Variants in KLHL1 observed in about 807,000 individuals in gnomAD.
KLHL1 encodes kelch-like protein 1.
In KLHL1, 47 loss-of-function variants were observed where a neutral mutation model predicts 77.7. The observed-to-expected ratio is 0.60, with a 90% CI of 0.48 to 0.77. KLHL1 has a LOEUF of 0.77. KLHL1 is among the 30% of genes least tolerant of loss of function. The pLI, the probability that KLHL1 is intolerant of heterozygous loss-of-function variation, is 0.00. For synonymous variants in KLHL1, 360 were observed against 325.2 expected (o/e 1.11, Z -1.15); for missense variants, 925 against 910.8 (o/e 1.02, Z -0.20).
chr13:69,936,182 G>A (rs1393515943), intron 4 of KLHL1, among the ~76,000 whole-genome samples: 1 of 152,164 alleles, frequency 6.6e-6, no homozygotes, highest in African/African-American at 2.4e-5. Flanking sequence ...AGTTAAGTAA[G>A]AGTGAAGGAA....
intron 6 of KLHL1, among the ~76,000 whole-genome samples, chr13:69,807,520 A>G (rs972978648): frequency 6.6e-6 from 1 of 152,052 alleles, no homozygotes; most frequent in Non-Finnish European, 1.5e-5. Flanking sequence ...TGTTAGACTG[A>G]GACATGAGCA....
At chr13:69,962,050 A>T (rs979629605) in intron 2 of KLHL1, among the ~76,000 whole-genome samples, 2 of 151,704 alleles carry the variant, frequency 1.3e-5, no homozygotes, top group African/African-American at 4.9e-5. Context: ...TTAATTTTTT[A>T]TTTTATTTGG....
intron 7 of KLHL1, among the ~76,000 whole-genome samples, chr13:69,782,022 A>AT (rs1428063933): frequency 6.6e-6 from 1 of 152,110 alleles, no homozygotes; most frequent in Non-Finnish European, 1.5e-5. Flanking sequence ...ATTTCTTACA[A>AT]TTTTCTTTTC....
intron 7 of KLHL1, among the ~76,000 whole-genome samples, chr13:69,788,632 G>T (rs905223319): frequency 2.0e-5 from 3 of 151,758 alleles, no homozygotes; most frequent in African/African-American, 7.3e-5. Context: ...TGCACATTGT[G>T]TACATGTACC....
chr13:70,101,950 C>CAA (rs553460889), intron 1 of KLHL1, among the ~76,000 whole-genome samples: 26,786 of 128,618 alleles, frequency 0.21, 2,760 homozygotes, highest in East Asian at 0.43. Context: ...GATAAAGTAG[C>CAA]AAAAAAAAAA....
intron 5 of KLHL1, among the ~76,000 whole-genome samples, chr13:69,848,156 T>C (rs1879543768): frequency 6.6e-6 from 1 of 151,504 alleles, no homozygotes; most frequent in African/African-American, 2.4e-5. Flanking sequence ...GCCTCATACC[T>C]AGAGAGCTTT....
intron 1 of KLHL1, among the ~76,000 whole-genome samples, chr13:70,048,933 T>C (rs1230517683): frequency 6.6e-6 from 1 of 152,194 alleles, no homozygotes; most frequent in African/African-American, 2.4e-5. Context: ...AATATTAGGC[T>C]TGAAAAATCA....
At chr13:69,712,762 T>C (rs1258359954) in intron 9 of KLHL1, among the ~76,000 whole-genome samples, 1 of 11,110 alleles carries the variant, frequency 9.0e-5, no homozygotes, top group Non-Finnish European at 6.5e-4. Flanking sequence ...TGTTTTTTGT[T>C]TTTTTTTTTT....
chr13:69,811,177 C>T (rs188864931), intron 6 of KLHL1, among the ~76,000 whole-genome samples: 76 of 151,860 alleles, frequency 5.0e-4, no homozygotes, highest in Non-Finnish European at 9.0e-4. Flanking sequence ...GTAACAACAA[C>T]GAAACTACAG....
rs1465153400 is a variant in KLHL1, at chr13:69,802,442, C to T, written c.1415-5480G>A. On this transcript the variant is annotated intron_variant, in intron 6 of 10. Transcript: ENST00000377844. The stretch of plus-strand genomic sequence containing the variant: ...TGGGGGATAAGGGAGGAGACCATCC[C>T]TCATATTGTCTTATGCCCAATTTCT... Among the ~76,000 whole-genome samples, 9 of 152,088 alleles carry T rather than the reference C, an allele frequency of 5.9e-5. No homozygotes were observed. In the East Asian group the frequency reaches 1.6e-3, roughly 26 times the overall value.
At chr13:69,861,785 T>TAAA (rs34408474) in intron 5 of KLHL1, among the ~76,000 whole-genome samples, 4,467 of 85,862 alleles carry the variant, frequency 0.052, 164 homozygotes, top group Non-Finnish European at 0.063. Context: ...CCGTCTCTAC[T>TAAA]AAAAAAAAAA....
chr13:70,066,182 TAC>T (rs1887000906), intron 1 of KLHL1, among the ~76,000 whole-genome samples: 1 of 152,208 alleles, frequency 6.6e-6, no homozygotes, highest in African/African-American at 2.4e-5. Flanking sequence ...ACTGTGAATT[TAC>T]ACTCATGCTT....
At chr13:70,081,215 G>A (rs1887382789) in intron 1 of KLHL1, among the ~76,000 whole-genome samples, 2 of 152,096 alleles carry the variant, frequency 1.3e-5, no homozygotes, top group Admixed American at 1.3e-4. Context: ...CTAGGTAACT[G>A]GTACCACTGG....
chr13:69,760,389 C>T (rs1319283236), intron 7 of KLHL1, among the ~76,000 whole-genome samples: 2 of 151,796 alleles, frequency 1.3e-5, no homozygotes, highest in Admixed American at 6.6e-5. Flanking sequence ...GAATTTCACT[C>T]GTTTTGCCCA....
chr13:69,897,276 G>T (rs1282565617), intron 4 of KLHL1, among the ~76,000 whole-genome samples: 1 of 152,090 alleles, frequency 6.6e-6, no homozygotes, highest in African/African-American at 2.4e-5. Context: ...CTCTAAAAAA[G>T]CTGTGGAAGC....
At chr13:69,782,447 C>T (rs968967690) in intron 7 of KLHL1, among the ~76,000 whole-genome samples, 7 of 152,178 alleles carry the variant, frequency 4.6e-5, no homozygotes, top group East Asian at 1.9e-4. Context: ...CCTGGAAAAT[C>T]GGGTCACTCC....
intron 7 of KLHL1, among the ~76,000 whole-genome samples, chr13:69,743,248 G>A (rs1178878269): frequency 7.6e-6 from 1 of 132,162 alleles, no homozygotes; most frequent in Non-Finnish European, 1.6e-5. Flanking sequence ...TAATAGGTAT[G>A]TGATTGCTAT....
chr13:69,991,080 G>T (rs1457569767), intron 1 of KLHL1, among the ~76,000 whole-genome samples: 1 of 151,924 alleles, frequency 6.6e-6, no homozygotes, highest in Non-Finnish European at 1.5e-5. Context: ...AATTAAAACA[G>T]AAATGAAGAA....
At chr13:69,973,116 A>G (rs1455743646) in intron 2 of KLHL1, among the ~76,000 whole-genome samples, 1 of 151,956 alleles carries the variant, frequency 6.6e-6, no homozygotes, top group Non-Finnish European at 1.5e-5. Flanking sequence ...GTTATCTGAA[A>G]TATTATTAGC....
Sources: allele counts gnomAD v4.1 joint callset (sites outside exome capture counted in the v4.1 genomes callset), GRCh38; gene constraint gnomAD v4.1.1; transcripts MANE v1.5; gene names NCBI Gene and HGNC (gene_info 2026-07-23, HGNC 2026-07-21).